NT5C1A: variants seen among roughly 807,000 people sequenced by gnomAD.
The protein encoded by NT5C1A is 5'-nucleotidase, cytosolic IA.
A neutral mutation model predicts 31.0 loss-of-function variants in NT5C1A; 18 were observed. That is an observed-to-expected ratio of 0.58 (90% confidence interval 0.40 to 0.86). NT5C1A has a LOEUF of 0.86. Ranked by LOEUF, NT5C1A falls within the 40% of genes least tolerant of loss-of-function variation. The pLI, the probability that NT5C1A is intolerant of heterozygous loss-of-function variation, is 0.00. For synonymous variants in NT5C1A, 185 were observed against 203.6 expected, an observed-to-expected ratio of 0.91 and a Z score of 0.78; for missense variants, 470 against 505.4, an observed-to-expected ratio of 0.93 and a Z score of 0.67.
chr1:39,661,025 A>G, intron 5 of NT5C1A, 54 bp downstream of exon 5: 1 of 1,063,538 alleles, frequency 9.4e-7, no homozygotes, highest in Non-Finnish European at 1.4e-6. Context: ...GGCCAAGGGC[A>G]GGTCTGGGGA....
Position 39,664,489 on chromosome 1 carries a change from T to TCCTCTCCTCTCC in NT5C1A, c.433+1031_433+1032insGGAGAGGAGAGG. On this transcript the variant is annotated intron_variant, in intron 3 of 5. Transcript: ENST00000235628. Reference sequence around the variant, plus strand: ...TCTCTCTCTCCCCAGAGTGGATTTCTCCTCCTCTCCTCTCCTCTCCTCTCC... The same window carrying TCCTCTCCTCTCC: ...TCTCTCTCTCCCCAGAGTGGATTTCTCCTCTCCTCTCCCCTCCTCTCCTCTCCTCTCCTCTCC... Among the ~76,000 whole-genome samples the TCCTCTCCTCTCC allele has an allele frequency of 1.8e-3, 2 of 1,096 alleles. 1 individual carries two copies. Among genetic ancestry groups the TCCTCTCCTCTCC allele is most frequent in the Non-Finnish European group, 3.3e-3 (2 of 598 alleles). 0.7% of individuals were successfully genotyped at this position (1,096 alleles called of 152,430 possible). A position where few individuals can be genotyped will look rare whatever the true frequency, so the allele number is the denominator to read the frequency against.
chr1:39,657,400 G>A lies in NT5C1A; in HGVS notation c.*1721C>T, dbSNP rs1646469356. On this transcript the variant is annotated 3_prime_UTR_variant, in exon 6 of 6. Transcript: ENST00000235628. ...AGAAGGACAAAGATCAAAAACCCCAGGGTGTTCTCTTCCCCTATTTCCTAC... is the reference window on the plus strand; with the variant it reads ...AGAAGGACAAAGATCAAAAACCCCAAGGTGTTCTCTTCCCCTATTTCCTAC... Among the ~76,000 whole-genome samples, 1 of 152,194 alleles carries A rather than the reference G, an allele frequency of 6.6e-6. No homozygotes were observed. The highest frequency in any genetic ancestry group is 1.5e-5 in the Non-Finnish European group (1 of 68,028).
chr1:39,670,510 C>T (rs915865869), intron 1 of NT5C1A, among the ~76,000 whole-genome samples: 3 of 152,170 alleles, frequency 2.0e-5, no homozygotes, highest in Non-Finnish European at 2.9e-5. Context: ...TTGTTTAAAA[C>T]ATAGTCCGAA....
rs991553558 is a variant in NT5C1A at position 39,652,206 on chromosome 1, C to G, written c.*6915G>C. On this transcript the variant is annotated 3_prime_UTR_variant, in exon 6 of 6. Transcript: ENST00000235628. ...ACTTGGGTCTTAAAAACCCAAGTCTCTGGGCCTGGGCCAGCGGATGCAAAC... is the reference window on the plus strand; with the variant it reads ...ACTTGGGTCTTAAAAACCCAAGTCTGTGGGCCTGGGCCAGCGGATGCAAAC... Among the ~76,000 whole-genome samples the G allele has an allele frequency of 1.3e-5, 2 of 152,044 alleles. No individual in the cohort carries two copies. The highest frequency in any genetic ancestry group is 3.9e-4 in the East Asian group (2 of 5,186).
chr1:39,659,546 C>A (rs1646479872), intron 5 of NT5C1A, 60 bp from the exon 6 acceptor site: 1 of 1,511,638 alleles, frequency 6.6e-7, no homozygotes, highest in Admixed American at 2.2e-5. Context: ...TTGCCCCCTG[C>A]TCTCCCTAAA....
intron 5 of NT5C1A, 24 bp from the exon 6 acceptor site, chr1:39,659,510 T>C (rs866398882): frequency 1.3e-6 from 2 of 1,531,894 alleles, no homozygotes; most frequent in Middle Eastern, 1.8e-4. Flanking sequence ...AGGGGAACAT[T>C]GTTAGCTCTA....
rs1342876978 is a variant in NT5C1A, at chr1:39,657,196, T to C, written c.*1925A>G. ...CCCTGGGACCAGCCTCATGGAGACCTCTGACAATGACAGTAAAAACTCAGC... is the reference window on the plus strand; with the variant it reads ...CCCTGGGACCAGCCTCATGGAGACCCCTGACAATGACAGTAAAAACTCAGC... On this transcript the variant is annotated 3_prime_UTR_variant, in exon 6 of 6. Coordinates refer to ENST00000235628, the MANE Select transcript of NT5C1A (RefSeq NM_032526.3). 6.6e-6 allele frequency among the ~76,000 whole-genome samples: 1 copy of C among 152,074 alleles called. No homozygotes were observed. Among genetic ancestry groups the C allele is most frequent in the Non-Finnish European group, 1.5e-5 (1 of 67,990 alleles).
intron 5 of NT5C1A, among the ~76,000 whole-genome samples, chr1:39,660,223 A>G (rs905022537): frequency 2.0e-5 from 3 of 152,186 alleles, no homozygotes; most frequent in South Asian, 2.1e-4. Flanking sequence ...AGGATTTCAG[A>G]GGCAACTCGC....
chr1:39,664,845 G>C (rs1005397571), intron 3 of NT5C1A, among the ~76,000 whole-genome samples: 2 of 151,542 alleles, frequency 1.3e-5, no homozygotes, highest in African/African-American at 4.9e-5. Flanking sequence ...AATTTCAGGG[G>C]AGAGAGGAAA....
intron 1 of NT5C1A, among the ~76,000 whole-genome samples, chr1:39,666,832 C>T (rs1646526593): frequency 6.6e-6 from 1 of 152,236 alleles, no homozygotes; most frequent in East Asian, 1.9e-4. Context: ...CTTAGAACCA[C>T]TATCCACTCA....
rs1443697607 is a variant in NT5C1A, at chr1:39,671,013, G to A, written c.135+891C>T. 2.0e-5 allele frequency among the ~76,000 whole-genome samples: 3 copies of A among 152,184 alleles called. No individual in the cohort carries two copies. The East Asian group carries it at 5.8e-4, about 29-fold the overall frequency. ...GGTGCTAATTGAATGATTGCTGATA[G>A]GGTGGACCTGTTGGGGAAGGGTTCT... On this transcript the variant is annotated intron_variant, in intron 1 of 5. Coordinates refer to ENST00000235628, the MANE Select transcript of NT5C1A (RefSeq NM_032526.3).
rs1295479980 is a variant in NT5C1A, at chr1:39,656,121, T to A, written c.*3000A>T. Among the ~76,000 whole-genome samples, 1 of 152,176 alleles carries A rather than the reference T, an allele frequency of 6.6e-6. No individual in the cohort carries two copies. Among genetic ancestry groups the A allele is most frequent in the East Asian group, 1.9e-4 (1 of 5,196 alleles). On this transcript the variant is annotated 3_prime_UTR_variant, in exon 6 of 6. Coordinates refer to ENST00000235628, the MANE Select transcript of NT5C1A (RefSeq NM_032526.3). Reference sequence around the variant, plus strand: ...GCAGCAGTCCCATTGGCTCTGGGATTTTGCTGGCAGGCATCTCCTGGAACC... The same window carrying A: ...GCAGCAGTCCCATTGGCTCTGGGATATTGCTGGCAGGCATCTCCTGGAACC...
intron 1 of NT5C1A, among the ~76,000 whole-genome samples, chr1:39,667,227 G>T (rs545319365): frequency 0.011 from 1,348 of 122,982 alleles, 14 homozygotes; most frequent in Non-Finnish European, 0.017. Flanking sequence ...CTGAGATGGA[G>T]TTTCACTCTT....
chr1:39,669,634 C>G (rs1412396921), intron 1 of NT5C1A, among the ~76,000 whole-genome samples: 1 of 152,180 alleles, frequency 6.6e-6, no homozygotes, highest in East Asian at 1.9e-4. Context: ...GAGTCAGGGG[C>G]TGATCCAGGG....
Position 39,656,761 on chromosome 1 carries a change from G to A in NT5C1A, c.*2360C>T, listed in dbSNP as rs767581577. 1.1e-4 allele frequency among the ~76,000 whole-genome samples: 17 copies of A among 152,238 alleles called. No individual in the cohort carries two copies. The highest frequency in any genetic ancestry group is 2.2e-4 in the Non-Finnish European group (15 of 68,042). ...CATGCTGTGAGCCTGGGCTGTGCCC[G>A]GCCTTGTAGGCTTCTTGCAGTCACT... On this transcript the variant is annotated 3_prime_UTR_variant, in exon 6 of 6. Coordinates refer to ENST00000235628, the MANE Select transcript of NT5C1A (RefSeq NM_032526.3).
At chr1:39,660,767 G>A (rs576356561) in intron 5 of NT5C1A, among the ~76,000 whole-genome samples, 6 of 152,180 alleles carry the variant, frequency 3.9e-5, no homozygotes, top group African/African-American at 7.2e-5. Flanking sequence ...GAATGGGGAC[G>A]TCAGGGAGGG....
chr1:39,669,786 T>G (rs936405972), intron 1 of NT5C1A, among the ~76,000 whole-genome samples: 3 of 152,214 alleles, frequency 2.0e-5, no homozygotes, highest in African/African-American at 7.2e-5. Context: ...GCATTGACAT[T>G]CATCCAGCTT....
intron 5 of NT5C1A, 69 bp downstream of exon 5, chr1:39,661,010 G>A (rs1570457202): frequency 1.1e-6 from 1 of 888,608 alleles, no homozygotes; most frequent in Non-Finnish European, 1.8e-6. Flanking sequence ...CAGGCTGGGA[G>A]TGCAGGCCAA....
At chr1:39,663,494 C>T in intron 3 of NT5C1A, 60 bp from the exon 4 acceptor site, 1 of 1,581,008 alleles carries the variant, frequency 6.3e-7, no homozygotes, top group South Asian at 1.1e-5. Flanking sequence ...TCAGGGCAGT[C>T]TCTCTGTGCC....
Sources: gnomAD v4.1 joint callset for allele counts (sites outside exome capture counted in the v4.1 genomes callset) on GRCh38, gnomAD v4.1.1 for gene constraint, MANE v1.5 for transcripts, NCBI Gene and HGNC (gene_info 2026-07-23, HGNC 2026-07-21) for gene names.